The following KIF26B variants were observed in gnomAD, a reference collection of about 807,000 sequenced individuals.
KIF26B encodes the protein kinesin-like protein KIF26B.
KIF26B carries 63 observed loss-of-function variants against 151.2 expected under a neutral mutation model. The ratio of observed to expected loss-of-function variants is 0.42; its 90% CI spans 0.34 to 0.51. The LOEUF is 0.51. KIF26B is among the 20% of genes least tolerant of loss of function. KIF26B has a pLI of 0.07. For synonymous variants in KIF26B, 1,357 were observed against 1,262.1 expected, an observed-to-expected ratio of 1.08 and a Z score of -1.59; for missense variants, 2,813 against 2,913.6, an observed-to-expected ratio of 0.97 and a Z score of 0.79.
At chr1:245,214,389 T>A (rs74605184) in intron 2 of KIF26B, among the ~76,000 whole-genome samples, 5 of 151,730 alleles carry the variant, frequency 3.3e-5, no homozygotes, top group South Asian at 4.2e-4. Context: ...AACATTTTTT[T>A]AATATCATCA....
intron 2 of KIF26B, among the ~76,000 whole-genome samples, chr1:245,203,255 A>AAAAAAAAAAAG (rs61541280): frequency 0.076 from 9,845 of 129,656 alleles, 1,109 homozygotes; most frequent in African/African-American, 0.17. Context: ...TCAAAAAAAA[A>AAAAAAAAAAAG]AAAAGAAAAT....
In KIF26B at chr1:245,702,573, C is replaced by G. The variant is rs1307807605; in HGVS notation, c.6294C>G (p.Ile2098Met). ...TCTGCAAGGCCCATCTCATGATGAT[C>G]ACCTGCTTCGACATCACCTCCAGGC... ...VNFCKAHLMM[I>M]TCFDITSRRR Residue 2098 changes from isoleucine to methionine, a missense_variant, in exon 15 of 15, where the codon ATC (isoleucine) becomes ATG (methionine). Around this residue, in one of 3 missense-constraint regions of KIF26B, gnomAD observed 2,060 missense variants for 2,088.6 expected, o/e 0.99. Transcript: ENST00000407071. The surrounding 1 kb of genome is among the most constrained non-coding windows in gnomAD (Gnocchi z 4.1). The G allele has an allele frequency of 6.2e-7, 1 of 1,613,840 alleles. No homozygotes were observed. Among genetic ancestry groups the G allele is most frequent in the African/African-American group, 1.3e-5 (1 of 74,916 alleles).
At chr1:245,396,977 T>TTTG (rs1673861184) in intron 3 of KIF26B, among the ~76,000 whole-genome samples, 1 of 151,618 alleles carries the variant, frequency 6.6e-6, no homozygotes, top group Admixed American at 6.6e-5. Flanking sequence ...TTTTTTTTTT[T>TTTG]GGAAAGGGTT....
intron 2 of KIF26B, among the ~76,000 whole-genome samples, chr1:245,275,891 G>C (rs1007143816): frequency 6.6e-6 from 1 of 152,028 alleles, no homozygotes; most frequent in Admixed American, 6.5e-5. Context: ...CTTTATTCTT[G>C]GAAAGTATCC....
At chr1:245,438,625 C>A (rs1257886244) in intron 4 of KIF26B, among the ~76,000 whole-genome samples, 1 of 152,036 alleles carries the variant, frequency 6.6e-6, no homozygotes, top group African/African-American at 2.4e-5. Context: ...CATCAAAGCC[C>A]CCAAAATGTA....
intron 9 of KIF26B, among the ~76,000 whole-genome samples, chr1:245,628,091 A>G (rs187451095): frequency 0.017 from 2,535 of 152,348 alleles, 31 homozygotes; most frequent in South Asian, 0.052. Context: ...AAACTATTCC[A>G]AACAATAGAA....
chr1:245,387,442 G>A (rs1033874062), intron 3 of KIF26B, among the ~76,000 whole-genome samples: 5 of 152,142 alleles, frequency 3.3e-5, no homozygotes, highest in Non-Finnish European at 5.9e-5. Context: ...GGGATTACAG[G>A]CATTAGCCAC....
chr1:245,450,846 T>A (rs1212347832), intron 4 of KIF26B, among the ~76,000 whole-genome samples: 1 of 152,234 alleles, frequency 6.6e-6, no homozygotes, highest in Non-Finnish European at 1.5e-5. Flanking sequence ...GAAATGTGAA[T>A]GAATTTTTAA....
At chr1:245,616,065 A>T (rs1467574725) in intron 9 of KIF26B, among the ~76,000 whole-genome samples, 1 of 152,242 alleles carries the variant, frequency 6.6e-6, no homozygotes, top group African/African-American at 2.4e-5. Context: ...TCTCATATGC[A>T]CACATGCATT....
chr1:245,554,225 G>A (rs1471685798), intron 5 of KIF26B, among the ~76,000 whole-genome samples: 1 of 152,174 alleles, frequency 6.6e-6, no homozygotes, highest in Non-Finnish European at 1.5e-5. Flanking sequence ...CCTCCACTGA[G>A]TCTTTAGGCT....
At chr1:245,589,031 C>T (rs987495171) in intron 5 of KIF26B, among the ~76,000 whole-genome samples, 37 of 152,208 alleles carry the variant, frequency 2.4e-4, no homozygotes, top group African/African-American at 7.5e-4. Context: ...GTTACGAGAA[C>T]GTAGCGTTTG....
intron 2 of KIF26B, among the ~76,000 whole-genome samples, chr1:245,272,831 G>A (rs1398424042): frequency 6.6e-6 from 1 of 151,964 alleles, no homozygotes; most frequent in Non-Finnish European, 1.5e-5. Flanking sequence ...GAATTTTCCA[G>A]GTTTTCTTCT....
intron 4 of KIF26B, among the ~76,000 whole-genome samples, chr1:245,496,457 G>C (rs906829216): frequency 1.3e-5 from 2 of 152,146 alleles, no homozygotes; most frequent in Non-Finnish European, 2.9e-5. Context: ...GGGAGTTAAA[G>C]TGTAATAAAA....
intron 2 of KIF26B, among the ~76,000 whole-genome samples, chr1:245,198,948 G>A (rs1283254522): frequency 6.6e-5 from 10 of 151,806 alleles, no homozygotes; most frequent in Non-Finnish European, 1.0e-4. Context: ...GGCAGCGTCG[G>A]GGGAGGCGGG....
intron 5 of KIF26B, among the ~76,000 whole-genome samples, chr1:245,547,448 T>C (rs1451052089): frequency 1.3e-5 from 2 of 152,046 alleles, no homozygotes; most frequent in Admixed American, 6.5e-5. Context: ...TAGCCAGGCA[T>C]GGTGGCAGGC....
chr1:245,526,958 C>T (rs903292943), intron 4 of KIF26B, among the ~76,000 whole-genome samples: 7 of 152,176 alleles, frequency 4.6e-5, no homozygotes, highest in Non-Finnish European at 8.8e-5. Flanking sequence ...TCATGCTGTT[C>T]AAGATAATTT....
chr1:245,561,979 G>A (rs963983700), intron 5 of KIF26B, among the ~76,000 whole-genome samples: 2 of 152,090 alleles, frequency 1.3e-5, no homozygotes, highest in Admixed American at 6.6e-5. Flanking sequence ...ATGCTGAAGG[G>A]CACTCTTCAG....
chr1:245,656,521 C>A (rs529643225), intron 10 of KIF26B, among the ~76,000 whole-genome samples: 94 of 152,304 alleles, frequency 6.2e-4, no homozygotes, highest in African/African-American at 2.2e-3. Flanking sequence ...TGTGTCATAA[C>A]CAGAAACAAA....
chr1:245,451,838 G>A (rs1476731924), intron 4 of KIF26B, among the ~76,000 whole-genome samples: 4 of 151,896 alleles, frequency 2.6e-5, no homozygotes, highest in Non-Finnish European at 4.4e-5. Flanking sequence ...GACCTCAGGT[G>A]ATCCACCCAC....
Sources: gnomAD v4.1 joint callset for allele counts (sites outside exome capture counted in the v4.1 genomes callset) on GRCh38, gnomAD v4.1.1 for gene constraint, gnomAD v4.1.1 regional missense constraint, Gnocchi (gnomAD v3.1) non-coding constraint, MANE v1.5 for transcripts, NCBI Gene and HGNC (gene_info 2026-07-23, HGNC 2026-07-21) for gene names.